The following STK3 variants were observed in gnomAD, a reference collection of about 807,000 sequenced individuals.
STK3 encodes the protein serine/threonine-protein kinase 3.
STK3 carries 41 observed loss-of-function variants against 58.0 expected under a neutral mutation model. The observed-to-expected ratio is 0.71, with a 90% confidence interval of 0.55 to 0.92. The LOEUF (loss-of-function observed/expected upper bound fraction) is 0.92, where lower values mean the gene tolerates loss of function less well. STK3 is among the 40% of genes least tolerant of loss of function. The pLI, the probability that STK3 is intolerant of heterozygous loss-of-function variation, is 0.00. For synonymous variants in STK3, 170 were observed against 191.0 expected (o/e 0.89, Z 0.91); for missense variants, 479 against 602.7 (o/e 0.79, Z 2.15).
intron 7 of STK3, 40 bp downstream of exon 7, chr8:98,595,992 A>G (rs1005986692): frequency 1.9e-6 from 3 of 1,594,046 alleles, no homozygotes; most frequent in Non-Finnish European, 2.6e-6. Context: ...GCTGAAAGGT[A>G]TGAAGAAAAT....
chr8:98,398,051 G>C (rs969492458), downstream of STK3, among the ~76,000 whole-genome samples: 2 of 152,174 alleles, frequency 1.3e-5, no homozygotes, highest in African/African-American at 4.8e-5. Flanking sequence ...CAAGCTGTGG[G>C]CTTCCCTATC....
intron 4 of STK3, among the ~76,000 whole-genome samples, chr8:98,746,062 C>A (rs1190739861): frequency 6.6e-6 from 1 of 152,204 alleles, no homozygotes; most frequent in Non-Finnish European, 1.5e-5. Context: ...TATGGGACCA[C>A]AATTCTACAT....
intron 9 of STK3, among the ~76,000 whole-genome samples, chr8:98,536,553 A>T (rs1809781850): frequency 6.6e-6 from 1 of 152,100 alleles, no homozygotes; most frequent in African/African-American, 2.4e-5. Flanking sequence ...TACTGCCTGG[A>T]ATACAGACTT....
At chr8:98,812,430 A>C (rs1270153756) in intron 1 of STK3, among the ~76,000 whole-genome samples, 1 of 151,658 alleles carries the variant, frequency 6.6e-6, no homozygotes. Flanking sequence ...AAACTTTTAC[A>C]CTGTTGGTGG....
At chr8:98,444,062 G>A (rs954217102) in intron 1 of STK3, among the ~76,000 whole-genome samples, 3 of 152,222 alleles carry the variant, frequency 2.0e-5, no homozygotes, top group African/African-American at 7.2e-5. Flanking sequence ...CAGGGCCTGT[G>A]CTGGTGCTAC....
intron 3 of STK3, among the ~76,000 whole-genome samples, chr8:98,873,475 AG>A (rs924285822): frequency 2.0e-5 from 3 of 152,198 alleles, no homozygotes; most frequent in African/African-American, 7.2e-5. Flanking sequence ...TGGGAGTCTA[AG>A]TCTCTTTGTA....
upstream of STK3, among the ~76,000 whole-genome samples, chr8:98,826,204 A>G (rs1042796436): frequency 6.6e-6 from 1 of 152,154 alleles, no homozygotes; most frequent in South Asian, 2.1e-4. Context: ...GGCTTTCCCA[A>G]CGACACATCC....
intron 3 of STK3, among the ~76,000 whole-genome samples, chr8:98,418,458 G>A (rs191559952): frequency 5.3e-5 from 8 of 152,346 alleles, no homozygotes; most frequent in Non-Finnish European, 7.4e-5. Flanking sequence ...CAGGGTGTGG[G>A]ATAGGTACGT....
intron 6 of STK3, among the ~76,000 whole-genome samples, chr8:98,698,562 G>GTGA (rs1485308260): frequency 6.6e-6 from 1 of 152,174 alleles, no homozygotes; most frequent in Non-Finnish European, 1.5e-5. Flanking sequence ...AGGCCTGGTG[G>GTGA]TGACAAAATC....
intron 6 of STK3, among the ~76,000 whole-genome samples, chr8:98,646,895 GC>G (rs1337492871): frequency 6.6e-6 from 1 of 152,040 alleles, no homozygotes; most frequent in Non-Finnish European, 1.5e-5. Context: ...CTCCCAACTG[GC>G]CTCTTTCCTT....
rs529057843 is a variant in STK3 at position 98,556,413 on chromosome 8, A to G, written c.949-8252T>C. Among the ~76,000 whole-genome samples, 61 of 152,240 alleles carry G rather than the reference A, an allele frequency of 4.0e-4. No homozygotes were observed. The South Asian group carries it at 0.012, about 30-fold the overall frequency. ...AGTAAACAAGCCACTGAGAATGGGT[A>G]GAAAGAACAAACAACAGAATTAAGA... On this transcript the variant is annotated intron_variant, in intron 8 of 10. Transcript: ENST00000419617.
chr8:98,668,570 A>G (rs903808065), intron 6 of STK3, among the ~76,000 whole-genome samples: 1 of 152,172 alleles, frequency 6.6e-6, no homozygotes, highest in African/African-American at 2.4e-5. Flanking sequence ...TCTAGCTTAA[A>G]GTTTCCATTA....
intron 1 of STK3, among the ~76,000 whole-genome samples, chr8:98,923,772 A>G (rs1839662084): frequency 6.6e-6 from 1 of 151,544 alleles, no homozygotes; most frequent in South Asian, 2.1e-4. Context: ...AATAAAGTGA[A>G]GTGAAAAACC....
intron 6 of STK3, among the ~76,000 whole-genome samples, chr8:98,647,665 C>T (rs913020432): frequency 6.5e-4 from 99 of 152,256 alleles, no homozygotes; most frequent in African/African-American, 2.3e-3. Context: ...TGCCACCACG[C>T]CCAGATAATT....
intron 1 of STK3, among the ~76,000 whole-genome samples, chr8:98,888,824 T>C (rs1838090910): frequency 6.6e-6 from 1 of 152,218 alleles, no homozygotes; most frequent in African/African-American, 2.4e-5. Flanking sequence ...GTCTGCTCTC[T>C]CAGCAGGCCC....
chr8:98,833,548 CA>C lies in STK3; in HGVS notation c.110+50098del, dbSNP rs569401517. Among the ~76,000 whole-genome samples, 106 of 152,218 alleles carry C rather than the reference CA, an allele frequency of 7.0e-4. 1 individual carries two copies. The highest frequency in any genetic ancestry group is 1.6e-3 in the Admixed American group (24 of 15,296). On this transcript the variant is annotated intron_variant, in intron 3 of 12. Coordinates refer to the STK3 transcript ENST00000523601. ...TTTGCAGGGCCATTCCAAAATATCT[CA>C]AAGAAATATATTTGGGGGTAAAAAT...
chr8:98,417,383 G>T (rs185162758), intron 3 of STK3, among the ~76,000 whole-genome samples: 1 of 152,020 alleles, frequency 6.6e-6, no homozygotes, highest in Admixed American at 6.6e-5. Context: ...GAGTGTTGGC[G>T]CCCACCTGTA....
intron 10 of STK3, among the ~76,000 whole-genome samples, chr8:98,523,886 T>C (rs1371435220): frequency 1.3e-5 from 2 of 152,216 alleles, no homozygotes; most frequent in African/African-American, 2.4e-5. Context: ...TTATCTATTT[T>C]TTGTTACTTG....
At chr8:98,614,875 G>C (rs183580711) in intron 6 of STK3, among the ~76,000 whole-genome samples, 1 of 152,326 alleles carries the variant, frequency 6.6e-6, no homozygotes, top group East Asian at 1.9e-4. Flanking sequence ...GCGGCAGCTA[G>C]GCTGGGGGAG....
Sources: allele counts gnomAD v4.1 joint callset (sites outside exome capture counted in the v4.1 genomes callset), GRCh38; gene constraint gnomAD v4.1.1; transcripts MANE v1.5; gene names NCBI Gene and HGNC (gene_info 2026-07-23, HGNC 2026-07-21).